Variants in CA10 observed in about 807,000 individuals in gnomAD.
CA10 encodes carbonic anhydrase 10 (inactive).
In CA10, 14 loss-of-function variants were observed where a neutral mutation model predicts 44.2. The observed-to-expected ratio is 0.32, with a 90% CI of 0.21 to 0.50. The LOEUF is 0.50. Among genes scored for constraint, CA10 ranks in the 20% least tolerant of loss-of-function variants. The pLI is 0.99. For missense variants in CA10, 350 were observed against 409.7 expected (o/e 0.85, Z 1.26); for synonymous variants, 159 against 141.6 (o/e 1.12, Z -0.87).
chr17:51,865,758 T>C (rs1034679674), intron 3 of CA10, among the ~76,000 whole-genome samples: 91 of 152,258 alleles, frequency 6.0e-4, no homozygotes, highest in African/African-American at 2.0e-3. Flanking sequence ...GCCTGAGAGA[T>C]GCCATGGTTC....
chr17:51,674,762 C>T lies in CA10; in HGVS notation c.466-21026G>A, dbSNP rs370889265. On this transcript the variant is annotated intron_variant, in intron 4 of 8. Transcript: ENST00000451037. ...TTCACTTAACATTTTATCACGTGGC[C>T]GTGGACTCAGGATTGAAGTCAGTTA... 4.1e-4 allele frequency among the ~76,000 whole-genome samples: 63 copies of T among 152,172 alleles called. 1 individual carries two copies. The highest frequency in any genetic ancestry group is 1.9e-3 in the East Asian group (10 of 5,190).
intron 3 of CA10, among the ~76,000 whole-genome samples, chr17:51,813,809 A>T (rs550451694): frequency 6.6e-6 from 1 of 152,328 alleles, no homozygotes; most frequent in South Asian, 2.1e-4. Context: ...TATAAAAAAA[A>T]TTCCTACTTT....
At chr17:51,759,225 G>A (rs998348320) in intron 3 of CA10, among the ~76,000 whole-genome samples, 2 of 151,752 alleles carry the variant, frequency 1.3e-5, no homozygotes, top group Admixed American at 6.6e-5. Context: ...GAACCAAGAT[G>A]GTACCAGCTG....
intron 1 of CA10, among the ~76,000 whole-genome samples, chr17:52,121,438 A>G (rs556000350): frequency 8.5e-5 from 13 of 152,320 alleles, no homozygotes; most frequent in Middle Eastern, 3.4e-3. Flanking sequence ...TTAGCATGCA[A>G]ACTAAAGCCT....
At chr17:52,014,625 G>C (rs1456803970) in intron 2 of CA10, among the ~76,000 whole-genome samples, 3 of 152,020 alleles carry the variant, frequency 2.0e-5, no homozygotes, top group Non-Finnish European at 4.4e-5. Context: ...AGATAAATGT[G>C]ACATATTAAC....
At chr17:51,901,226 T>G (rs941915027) in intron 3 of CA10, among the ~76,000 whole-genome samples, 3 of 152,094 alleles carry the variant, frequency 2.0e-5, no homozygotes, top group Admixed American at 6.6e-5. Flanking sequence ...GGTGTTTGAT[T>G]GCGGTATAAA....
intron 1 of CA10, among the ~76,000 whole-genome samples, chr17:52,078,020 A>T (rs1987861667): frequency 6.6e-6 from 1 of 152,240 alleles, no homozygotes; most frequent in African/African-American, 2.4e-5. Context: ...GACCACAAAT[A>T]CAGGCATCAC....
At chr17:51,907,821 G>T (rs138510745) in intron 3 of CA10, among the ~76,000 whole-genome samples, 12 of 152,040 alleles carry the variant, frequency 7.9e-5, no homozygotes, top group South Asian at 4.2e-4. Flanking sequence ...CCTTTTCCCC[G>T]CAGGACTTAA....
chr17:51,663,919 C>T (rs1914111379), intron 4 of CA10, among the ~76,000 whole-genome samples: 1 of 152,122 alleles, frequency 6.6e-6, no homozygotes, highest in Non-Finnish European at 1.5e-5. Flanking sequence ...TTTTGCCAGT[C>T]TTTTCTTTCT....
chr17:51,717,491 C>A (rs1433318575), intron 4 of CA10, among the ~76,000 whole-genome samples: 1 of 139,120 alleles, frequency 7.2e-6, no homozygotes. Flanking sequence ...TGGAACCAAC[C>A]CAAATGCCCG....
chr17:51,670,107 G>A (rs916584969), intron 4 of CA10, among the ~76,000 whole-genome samples: 4 of 152,150 alleles, frequency 2.6e-5, no homozygotes, highest in African/African-American at 7.2e-5. Flanking sequence ...TGATTGTGAG[G>A]CTCCCCTAGC....
rs142620513 is a variant in CA10 at position 52,077,519 on chromosome 17, T to C, written c.62-5126A>G. On this transcript the variant is annotated intron_variant, in intron 1 of 8. Transcript: ENST00000451037. ...CTGTGTGCCAGTACAATTTTATTTA[T>C]GAAAACAAAGAGCTGGATTTGATCT... Among the ~76,000 whole-genome samples, 1,216 of 152,174 alleles carry C rather than the reference T, an allele frequency of 8.0e-3. 12 individuals carry two copies. Among genetic ancestry groups the C allele is most frequent in the South Asian group, 0.024 (114 of 4,826 alleles).
At chr17:51,745,914 A>C (rs1904670064) in intron 4 of CA10, among the ~76,000 whole-genome samples, 1 of 152,218 alleles carries the variant, frequency 6.6e-6, no homozygotes, top group Non-Finnish European at 1.5e-5. Context: ...AAGAGGAAGA[A>C]TTCATCTAAT....
At chr17:52,136,582 G>T (rs1989363705) in intron 1 of CA10, among the ~76,000 whole-genome samples, 1 of 152,146 alleles carries the variant, frequency 6.6e-6, no homozygotes, top group African/African-American at 2.4e-5. Context: ...TGTGTGTCTT[G>T]CTCACAGTCC....
intron 3 of CA10, among the ~76,000 whole-genome samples, chr17:51,823,269 GC>G (rs1907885816): frequency 6.6e-6 from 1 of 152,158 alleles, no homozygotes; most frequent in African/African-American, 2.4e-5. Flanking sequence ...ACATGGCTGG[GC>G]CAGGACAGAT....
At chr17:51,983,277 C>T (rs1215246282) in intron 2 of CA10, among the ~76,000 whole-genome samples, 1 of 151,804 alleles carries the variant, frequency 6.6e-6, no homozygotes, top group African/African-American at 2.4e-5. Flanking sequence ...CTAGGGCATT[C>T]ATAACAGAGA....
chr17:52,007,044 CTATTA>C (rs1985624742), intron 2 of CA10, among the ~76,000 whole-genome samples: 1 of 151,296 alleles, frequency 6.6e-6, no homozygotes, highest in South Asian at 2.1e-4. Context: ...AATTTTTTTC[CTATTA>C]TATTCTCTAT....
intron 2 of CA10, among the ~76,000 whole-genome samples, chr17:52,066,702 G>T (rs926336657): frequency 6.6e-6 from 1 of 152,152 alleles, no homozygotes; most frequent in Non-Finnish European, 1.5e-5. Context: ...CTTATTAGCA[G>T]CATGAGAACA....
intron 3 of CA10, among the ~76,000 whole-genome samples, chr17:51,784,334 C>A (rs80094227): frequency 2.0e-5 from 3 of 152,060 alleles, no homozygotes; most frequent in African/African-American, 7.2e-5. Context: ...TTCTCATTAG[C>A]CTCTGAAAGG....
Sources: gnomAD v4.1 joint callset for allele counts (sites outside exome capture counted in the v4.1 genomes callset) on GRCh38, gnomAD v4.1.1 for gene constraint, MANE v1.5 for transcripts, NCBI Gene and HGNC (gene_info 2026-07-23, HGNC 2026-07-21) for gene names.